Variants in PRRX2 observed in about 807,000 individuals in gnomAD.
The protein encoded by PRRX2 is paired related homeobox 2, also known as paired mesoderm homeobox protein 2.
Under a neutral mutation model 18.0 loss-of-function variants are expected in PRRX2, and 11 were observed. That is an observed-to-expected ratio of 0.61 (90% CI 0.39 to 1.01). The LOEUF (loss-of-function observed/expected upper bound fraction) is 1.01, where lower values mean the gene tolerates loss of function less well. Ranked by LOEUF, PRRX2 falls within the 50% of genes least tolerant of loss-of-function variation. PRRX2 has a pLI of 0.01. For missense variants in PRRX2, 387 were observed against 351.0 expected, an observed-to-expected ratio of 1.10 and a Z score of -0.82; for synonymous variants, 177 against 154.8, an observed-to-expected ratio of 1.14 and a Z score of -1.06.
Position 129,666,091 on chromosome 9 carries a change from G to A in PRRX2, c.224G>A (p.Gly75Glu), listed in dbSNP as rs1485276117. 1 of 1,033,918 alleles carries A rather than the reference G, an allele frequency of 9.7e-7. No individual in the cohort carries two copies. Among genetic ancestry groups the A allele is most frequent in the East Asian group, 8.5e-5 (1 of 11,768 alleles). The allele number at this position is 1,033,918 out of a possible 1,614,324, so 64.0% of individuals were successfully genotyped here. The change falls in exon 1 of 4, where the codon GGG becomes GAG. Residue 75 changes from glycine (G) to glutamate (E), a missense_variant. By Grantham distance (98) the Gly-to-Glu change is moderately conservative. Coordinates refer to ENST00000372469, the MANE Select transcript of PRRX2 (RefSeq NM_016307.4). Reference sequence around the variant, plus strand: ...GAGGGCGCAGCACGGGAGCCGTCCGGGGGCAGCAGCGGCAGCGAGGCGGCG... The same window carrying A: ...GAGGGCGCAGCACGGGAGCCGTCCGAGGGCAGCAGCGGCAGCGAGGCGGCG... ...AREGAAREPS[G>E]GSSGSEAAPQ...
At chr9:129,718,770 T>G (rs1564156376) in intron 1 of PRRX2, 1 of 153,124 alleles carries the variant, frequency 6.5e-6, no homozygotes, top group Non-Finnish European at 1.5e-5. Context: ...GACATATTAA[T>G]TATTATTATT....
In PRRX2 at chr9:129,715,891, G is replaced by A. The variant is rs1023871495; in HGVS notation, c.260-3340G>A. On this transcript the variant is annotated intron_variant, in intron 1 of 3. Coordinates refer to ENST00000372469, the MANE Select transcript of PRRX2 (RefSeq NM_016307.4). The surrounding 1 kb of genome is among the most constrained non-coding windows in gnomAD (Gnocchi z 4.0). ...CTAACCTGGGAACTGATTAAAAGCA[G>A]ATATTCAGCAGTACCCATCACTGGG... Among the ~76,000 whole-genome samples the A allele has an allele frequency of 6.6e-6, 1 of 152,038 alleles. No individual in the cohort carries two copies. Among genetic ancestry groups the A allele is most frequent in the Non-Finnish European group, 1.5e-5 (1 of 68,018 alleles).
chr9:129,708,669 A>C (rs1832584412), intron 1 of PRRX2, among the ~76,000 whole-genome samples: 1 of 152,148 alleles, frequency 6.6e-6, no homozygotes, highest in African/African-American at 2.4e-5. Flanking sequence ...AGTTTTCATG[A>C]AGTTCCATTT....
chr9:129,711,523 A>G (rs149667157), intron 1 of PRRX2, among the ~76,000 whole-genome samples: 1 of 144,506 alleles, frequency 6.9e-6, no homozygotes, highest in Non-Finnish European at 1.5e-5. Flanking sequence ...CTCATGCCCC[A>G]GCCTCCCAAG....
Position 129,722,348 on chromosome 9 carries a change from A to G in PRRX2, c.758A>G (p.Asn253Ser). The G allele has an allele frequency of 6.2e-7, 1 of 1,613,864 alleles. No individual in the cohort carries two copies. The highest frequency in any genetic ancestry group is 8.5e-7 in the Non-Finnish European group (1 of 1,179,968). Residue 253 changes from asparagine (N) to serine (S), a missense_variant, in exon 4 of 4, where the codon AAC (asparagine) becomes AGC (serine). Physicochemically the swap from Asn to Ser is conservative, Grantham distance 46. Coordinates refer to ENST00000372469, the MANE Select transcript of PRRX2 (RefSeq NM_016307.4). ...SLHHSQVPTV[N>S] is the part of the protein sequence containing the mutation. ...CACCACAGCCAGGTGCCTACGGTGA[A>G]CTGAAGTCCAGTCCCACCAGGACCC...
intron 1 of PRRX2, among the ~76,000 whole-genome samples, chr9:129,685,812 C>T (rs71499478): frequency 0.019 from 2,946 of 152,266 alleles, 42 homozygotes; most frequent in Middle Eastern, 0.065. Flanking sequence ...TACTGAGCAC[C>T]GACAATGTGC....
intron 3 of PRRX2, among the ~76,000 whole-genome samples, chr9:129,721,206 G>T (rs1052958364): frequency 6.6e-6 from 1 of 152,108 alleles, no homozygotes; most frequent in Non-Finnish European, 1.5e-5. Flanking sequence ...AGGCTGTCAC[G>T]GGGGCCCCAG....
chr9:129,679,496 T>C (rs1171970447), intron 1 of PRRX2, among the ~76,000 whole-genome samples: 9 of 152,172 alleles, frequency 5.9e-5, no homozygotes, highest in Admixed American at 5.2e-4. Context: ...GGCGGTTTTA[T>C]GACCCCATTT....
intron 1 of PRRX2, among the ~76,000 whole-genome samples, chr9:129,687,345 G>T (rs1832310181): frequency 6.6e-6 from 1 of 152,166 alleles, no homozygotes; most frequent in African/African-American, 2.4e-5. Context: ...GCCCCTCGGG[G>T]TTGGTGAGGG....
At chr9:129,688,742 C>G (rs888002187) in intron 1 of PRRX2, among the ~76,000 whole-genome samples, 3 of 152,172 alleles carry the variant, frequency 2.0e-5, no homozygotes, top group African/African-American at 7.2e-5. Context: ...TGTGAGGAGG[C>G]TGAAGCAAAC....
intron 1 of PRRX2, among the ~76,000 whole-genome samples, chr9:129,714,212 G>C (rs1832674330): frequency 1.3e-5 from 2 of 151,822 alleles, no homozygotes; most frequent in African/African-American, 4.8e-5. Flanking sequence ...GGCTGAGGTA[G>C]GAGAATCGCT....
chr9:129,676,222 G>A (rs1248337911), intron 1 of PRRX2, among the ~76,000 whole-genome samples: 1 of 152,196 alleles, frequency 6.6e-6, no homozygotes, highest in Non-Finnish European at 1.5e-5. Context: ...GCCCTGGGAC[G>A]GTGGGAATCA....
rs1254682154 is a variant in PRRX2, at chr9:129,665,866, G to C, written c.-2G>C. On this transcript the variant is annotated 5_prime_UTR_variant, in exon 1 of 4. Transcript: ENST00000372469. This position sits in a 1 kb window ranked among gnomAD's most constrained non-coding sequence, Gnocchi z 5.3. Reference sequence around the variant, plus strand: ...CCGGCCCCCCCGGGGCCGCTCGCGGGCATGGACAGCGCGGCCGCCGCCTTC... The same window carrying C: ...CCGGCCCCCCCGGGGCCGCTCGCGGCCATGGACAGCGCGGCCGCCGCCTTC... 1 of 1,061,274 alleles carries C rather than the reference G, an allele frequency of 9.4e-7. No homozygotes were observed. The highest frequency in any genetic ancestry group is 1.7e-5 in the African/African-American group (1 of 58,284). The allele number at this position is 1,061,274 out of a possible 1,614,324, so 65.7% of individuals were successfully genotyped here.
Position 129,695,202 on chromosome 9 carries a change from C to G in PRRX2, c.260-24029C>G, listed in dbSNP as rs1473520012. Among the ~76,000 whole-genome samples the G allele has an allele frequency of 6.6e-6, 1 of 152,170 alleles. No homozygotes were observed. Among genetic ancestry groups the G allele is most frequent in the East Asian group, 1.9e-4 (1 of 5,184 alleles). On this transcript the variant is annotated intron_variant, in intron 1 of 3. Transcript: ENST00000372469. The surrounding 1 kb of genome is among the most constrained non-coding windows in gnomAD (Gnocchi z 4.8). ...CTAGGAGGATTATTCCCTTCTCCAC[C>G]CCACAGTCCGTGAGTGTGGATAGGT...
At chr9:129,710,415 G>T (rs1832603606) in intron 1 of PRRX2, among the ~76,000 whole-genome samples, 1 of 152,186 alleles carries the variant, frequency 6.6e-6, no homozygotes, top group Non-Finnish European at 1.5e-5. Flanking sequence ...TGAATTTCTG[G>T]GGTTGAGGCC....
Position 129,722,377 on chromosome 9 carries a change from C to T in PRRX2, c.*25C>T, listed in dbSNP as rs370487741. 42 of 1,611,430 alleles carry T rather than the reference C, an allele frequency of 2.6e-5. No individual in the cohort carries two copies. The highest frequency in any genetic ancestry group is 2.0e-4 in the African/African-American group (15 of 74,822). ...AAGTCCAGTCCCACCAGGACCCAGACGCCTCCCTGGGTGGACAGCAATAGA... is the reference window on the plus strand; with the variant it reads ...AAGTCCAGTCCCACCAGGACCCAGATGCCTCCCTGGGTGGACAGCAATAGA... On this transcript the variant is annotated 3_prime_UTR_variant, in exon 4 of 4. Coordinates refer to ENST00000372469, the MANE Select transcript of PRRX2 (RefSeq NM_016307.4).
chr9:129,722,268 C>T lies in PRRX2; in HGVS notation c.678C>T (p.Val226=). The T allele has an allele frequency of 1.4e-5, 22 of 1,614,028 alleles. No homozygotes were observed. The highest frequency in any genetic ancestry group is 1.8e-5 in the Non-Finnish European group (21 of 1,180,016). ...GCTCAGGCCCCGCAACCCCAGGGGT[C>T]AACATGGCCAACAGCATCGCCAGCC... ...PGSSGPATPG[V]NMANSIASLR... The change falls in exon 4 of 4, where the codon GTC becomes GTT. Residue 226 remains valine (V), a synonymous_variant. Coordinates refer to ENST00000372469, the MANE Select transcript of PRRX2 (RefSeq NM_016307.4).
rs967610112 is a variant in PRRX2 at position 129,675,566 on chromosome 9, C to G, written c.259+9440C>G. On this transcript the variant is annotated intron_variant, in intron 1 of 3. Coordinates refer to ENST00000372469, the MANE Select transcript of PRRX2 (RefSeq NM_016307.4). This position sits in a 1 kb window ranked among gnomAD's most constrained non-coding sequence, Gnocchi z 4.4. ...CTCTCTTGGGGATGGGGATCCACTG[C>G]CCCCAGGGGGCGGCTGCCTTGCCCC... Among the ~76,000 whole-genome samples, 19 of 152,094 alleles carry G rather than the reference C, an allele frequency of 1.2e-4. No individual in the cohort carries two copies. Among genetic ancestry groups the G allele is most frequent in the Non-Finnish European group, 2.4e-4 (16 of 67,980 alleles).
At chr9:129,703,757 C>T (rs950635044) in intron 1 of PRRX2, among the ~76,000 whole-genome samples, 1 of 152,220 alleles carries the variant, frequency 6.6e-6, no homozygotes, top group Non-Finnish European at 1.5e-5. Flanking sequence ...GGCAGAAACA[C>T]TCAGGACGCC....
Sources: allele counts gnomAD v4.1 joint callset (sites outside exome capture counted in the v4.1 genomes callset), GRCh38; gene constraint gnomAD v4.1.1; non-coding constraint Gnocchi (gnomAD v3.1); transcripts MANE v1.5; gene names NCBI Gene and HGNC (gene_info 2026-07-23, HGNC 2026-07-21).